The following ZNF804B variants were observed in gnomAD, a reference collection of about 807,000 sequenced individuals.
The protein encoded by ZNF804B is zinc finger protein 804B.
ZNF804B carries 80 observed loss-of-function variants against 101.4 expected under a neutral mutation model. That is an observed-to-expected ratio of 0.79 (90% CI 0.66 to 0.95). The LOEUF (loss-of-function observed/expected upper bound fraction) is 0.95. Ranked by LOEUF, ZNF804B falls within the 40% of genes least tolerant of loss-of-function variation. The probability of loss-of-function intolerance (pLI) is 0.00; values close to 1 mark genes in which losing one functional copy is unlikely to be tolerated. For missense variants in ZNF804B, 1,673 were observed against 1,561.9 expected, an observed-to-expected ratio of 1.07 and a Z score of -1.20; for synonymous variants, 622 against 558.8, an observed-to-expected ratio of 1.11 and a Z score of -1.59.
intron 1 of ZNF804B, among the ~76,000 whole-genome samples, chr7:88,772,280 C>CA (rs758173661): frequency 1.3e-5 from 2 of 152,028 alleles, no homozygotes; most frequent in African/African-American, 2.4e-5. Flanking sequence ...AATTGTGTTA[C>CA]AAAAAAACCA....
At chr7:88,958,222 G>T (rs1793340304) in intron 1 of ZNF804B, among the ~76,000 whole-genome samples, 1 of 151,282 alleles carries the variant, frequency 6.6e-6, no homozygotes, top group South Asian at 2.1e-4. Flanking sequence ...TTCTTTGTAT[G>T]TTTTTATTTC....
At chr7:89,169,321 C>A (rs1436070059) in intron 1 of ZNF804B, among the ~76,000 whole-genome samples, 3 of 152,156 alleles carry the variant, frequency 2.0e-5, no homozygotes, top group South Asian at 4.1e-4. Context: ...CCACTCGCGG[C>A]TCGAATGCCT....
intron 2 of ZNF804B, among the ~76,000 whole-genome samples, chr7:89,219,097 A>G (rs141766457): frequency 5.3e-5 from 8 of 152,214 alleles, no homozygotes; most frequent in African/African-American, 1.9e-4. Flanking sequence ...GACAGAATCT[A>G]TTATTATAGT....
intron 2 of ZNF804B, among the ~76,000 whole-genome samples, chr7:89,290,332 G>T (rs545233545): frequency 6.6e-6 from 1 of 152,244 alleles, no homozygotes; most frequent in South Asian, 2.1e-4. Flanking sequence ...GAGAAAAGCA[G>T]AAGGAAAAGC....
intron 1 of ZNF804B, among the ~76,000 whole-genome samples, chr7:88,840,259 A>G (rs1791275602): frequency 6.6e-6 from 1 of 152,158 alleles, no homozygotes; most frequent in Non-Finnish European, 1.5e-5. Flanking sequence ...TCAGTTGTTC[A>G]TCTAAAGCAT....
chr7:88,944,632 A>G (rs2116053610), intron 1 of ZNF804B, among the ~76,000 whole-genome samples: 1 of 151,966 alleles, frequency 6.6e-6, no homozygotes, highest in Non-Finnish European at 1.5e-5. Context: ...ATATTATAAC[A>G]ACTATTTACA....
chr7:89,138,518 G>A (rs371416901), intron 1 of ZNF804B, among the ~76,000 whole-genome samples: 94 of 152,116 alleles, frequency 6.2e-4, no homozygotes, highest in African/African-American at 2.0e-3. Context: ...TTAAGACTTC[G>A]GGGGACTTTG....
At chr7:89,161,264 A>G (rs778554394) in intron 1 of ZNF804B, among the ~76,000 whole-genome samples, 14 of 152,102 alleles carry the variant, frequency 9.2e-5, no homozygotes, top group South Asian at 2.1e-4. Context: ...GGATGCATCT[A>G]GAGGAAGTCC....
chr7:89,131,205 A>G (rs1334097519), intron 1 of ZNF804B, among the ~76,000 whole-genome samples: 1 of 152,048 alleles, frequency 6.6e-6, no homozygotes, highest in Non-Finnish European at 1.5e-5. Flanking sequence ...TTGAAAGCCC[A>G]ATATCAAAGT....
At chr7:89,041,053 A>G (rs980524074) in intron 1 of ZNF804B, among the ~76,000 whole-genome samples, 5 of 150,566 alleles carry the variant, frequency 3.3e-5, no homozygotes, top group African/African-American at 1.2e-4. Flanking sequence ...GGTAGGCCTG[A>G]ACCCTGGGTC....
At chr7:88,973,007 A>G (rs1584047464) in intron 1 of ZNF804B, among the ~76,000 whole-genome samples, 1 of 151,424 alleles carries the variant, frequency 6.6e-6, no homozygotes, top group Non-Finnish European at 1.5e-5. Flanking sequence ...TTTTCCAAAG[A>G]CAGTGAATGA....
At position 89,333,965 on chromosome 7, in the gene ZNF804B, A is replaced by G. The variant is rs1562743333; in HGVS notation, c.983A>G (p.Asn328Ser). The change falls in exon 4 of 4, where the codon AAC (asparagine) becomes AGC (serine). Residue 328 changes from asparagine to serine, a missense_variant. Asn to Ser is a conservative substitution (Grantham distance 46). Transcript: ENST00000333190. ...IGIHASFSKSNIHLSDVDFTP... is the reference protein window; with the variant it reads ...IGIHASFSKSSIHLSDVDFTP... ...ATTCATGCTTCATTCTCTAAATCTA[A>G]CATTCATCTTTCAGATGTAGATTTT... 1 of 1,613,572 alleles carries G rather than the reference A, an allele frequency of 6.2e-7. No individual in the cohort carries two copies. Among genetic ancestry groups the G allele is most frequent in the Non-Finnish European group, 8.5e-7 (1 of 1,179,750 alleles).
chr7:89,139,888 A>G (rs1790691546), intron 1 of ZNF804B, among the ~76,000 whole-genome samples: 1 of 152,106 alleles, frequency 6.6e-6, no homozygotes. Flanking sequence ...TCTTGATAGC[A>G]TCTAGAATGG....
At chr7:89,323,503 A>C (rs971753501) in intron 2 of ZNF804B, among the ~76,000 whole-genome samples, 6 of 152,206 alleles carry the variant, frequency 3.9e-5, no homozygotes, top group African/African-American at 1.4e-4. Flanking sequence ...ACATAAAGGG[A>C]AATTAATAAT....
chr7:89,077,300 A>G (rs1465182982), intron 1 of ZNF804B, among the ~76,000 whole-genome samples: 1 of 152,164 alleles, frequency 6.6e-6, no homozygotes, highest in Non-Finnish European at 1.5e-5. Context: ...TTCGTTGAAT[A>G]ATGGGTCATG....
chr7:89,012,206 C>T lies in ZNF804B; in HGVS notation c.109-205949C>T, dbSNP rs184058167. ...CACAGGACACCAAGTCCTAAGACTGCATAAAGCTGAAAGGCCCTGGGCCCT... is the reference window on the plus strand; with the variant it reads ...CACAGGACACCAAGTCCTAAGACTGTATAAAGCTGAAAGGCCCTGGGCCCT... On this transcript the variant is annotated intron_variant, in intron 1 of 3. Coordinates refer to ENST00000333190, the MANE Select transcript of ZNF804B (RefSeq NM_181646.5). Among the ~76,000 whole-genome samples, 322 of 152,260 alleles carry T rather than the reference C, an allele frequency of 2.1e-3. 1 individual carries two copies. The highest frequency in any genetic ancestry group is 7.6e-3 in the African/African-American group (317 of 41,566).
At chr7:89,136,970 C>T (rs753128313) in intron 1 of ZNF804B, among the ~76,000 whole-genome samples, 5 of 151,342 alleles carry the variant, frequency 3.3e-5, no homozygotes, top group Admixed American at 1.3e-4. Flanking sequence ...TTTTTTTTGC[C>T]TGGTAACAAC....
chr7:88,814,185 T>A (rs998692012), intron 1 of ZNF804B, among the ~76,000 whole-genome samples: 3 of 152,178 alleles, frequency 2.0e-5, no homozygotes, highest in African/African-American at 7.2e-5. Context: ...ATAAGACTTT[T>A]CATATTTCTG....
At chr7:89,101,278 T>G (rs552886672) in intron 1 of ZNF804B, among the ~76,000 whole-genome samples, 1 of 152,036 alleles carries the variant, frequency 6.6e-6, no homozygotes, top group East Asian at 1.9e-4. Context: ...TATCACCAAT[T>G]TGGCGAGGTT....
Sources: allele counts gnomAD v4.1 joint callset (sites outside exome capture counted in the v4.1 genomes callset), GRCh38; gene constraint gnomAD v4.1.1; transcripts MANE v1.5; gene names NCBI Gene and HGNC (gene_info 2026-07-23, HGNC 2026-07-21).